Variants in RNLS observed in about 807,000 individuals in gnomAD.
RNLS encodes the protein renalase.
A neutral mutation model predicts 39.8 loss-of-function variants in RNLS; 39 were observed. The observed-to-expected ratio is 0.98, with a 90% confidence interval of 0.76 to 1.28. RNLS has a LOEUF of 1.28. Ranked by LOEUF, RNLS falls within the 50% of genes most tolerant of loss-of-function variation. The pLI, the probability that RNLS is intolerant of heterozygous loss-of-function variation, is 0.00. For synonymous variants in RNLS, 147 were observed against 150.7 expected, an observed-to-expected ratio of 0.98 and a Z score of 0.18; for missense variants, 410 against 413.3, an observed-to-expected ratio of 0.99 and a Z score of 0.07.
chr10:88,231,572 C>T, the RNLS span, among the ~76,000 whole-genome samples: 1 of 152,132 alleles, frequency 6.6e-6, no homozygotes, highest in South Asian at 2.1e-4. Flanking sequence ...AGCACAGTGC[C>T]AGGCACTTTC....
intron 4 of RNLS, among the ~76,000 whole-genome samples, chr10:88,439,470 C>T (rs1233955276): frequency 2.6e-5 from 4 of 152,122 alleles, no homozygotes; most frequent in Non-Finnish European, 5.9e-5. Context: ...CTGGTGAAAA[C>T]ATTTTTGTGA....
chr10:88,300,680 T>C (rs1844448449), intron 6 of RNLS, among the ~76,000 whole-genome samples: 1 of 152,204 alleles, frequency 6.6e-6, no homozygotes, highest in African/African-American at 2.4e-5. Flanking sequence ...ATTGATTATA[T>C]GGAAAACTCT....
At chr10:88,564,889 G>C (rs1849408310) in intron 4 of RNLS, among the ~76,000 whole-genome samples, 1 of 152,086 alleles carries the variant, frequency 6.6e-6, no homozygotes, top group Non-Finnish European at 1.5e-5. Context: ...AAAATAGAGA[G>C]AGTTGGATGA....
intron 4 of RNLS, among the ~76,000 whole-genome samples, chr10:88,424,675 G>A (rs1854616193): frequency 1.3e-5 from 2 of 152,226 alleles, no homozygotes; most frequent in South Asian, 4.2e-4. Flanking sequence ...AGTAAAAGAA[G>A]CTGCTAATCT....
chr10:88,402,154 A>G (rs1282514516), intron 4 of RNLS, among the ~76,000 whole-genome samples: 1 of 152,016 alleles, frequency 6.6e-6, no homozygotes. Context: ...AATCAAAAAA[A>G]TTTATTCTTG....
chr10:88,346,745 T>C (rs1321841381), intron 5 of RNLS, among the ~76,000 whole-genome samples: 48 of 152,200 alleles, frequency 3.2e-4, no homozygotes. Flanking sequence ...ATTCCTATTA[T>C]GCCGTGATGT....
chr10:88,290,717 C>G (rs1843612118), intron 6 of RNLS, among the ~76,000 whole-genome samples: 1 of 152,188 alleles, frequency 6.6e-6, no homozygotes, highest in Non-Finnish European at 1.5e-5. Context: ...CTTCTCCGAA[C>G]CACTCTTTAA....
the RNLS span, among the ~76,000 whole-genome samples, chr10:88,247,888 A>T: frequency 6.6e-6 from 1 of 152,214 alleles, no homozygotes; most frequent in South Asian, 2.1e-4. Flanking sequence ...TTTGGACATG[A>T]AAAGGGGGCA....
chr10:88,496,382 T>C (rs545109287), intron 4 of RNLS, among the ~76,000 whole-genome samples: 2 of 152,268 alleles, frequency 1.3e-5, no homozygotes, highest in African/African-American at 4.8e-5. Context: ...CTAAACCCAG[T>C]GCACGCTTCA....
rs996237838 is a variant in RNLS, at chr10:88,581,685, A to G, written c.249T>C (p.Tyr83=). Residue 83 remains tyrosine, a synonymous_variant, in exon 3 of 7, where the codon TAT becomes TAC. Coordinates refer to ENST00000331772, the MANE Select transcript of RNLS (RefSeq NM_001031709.3). ...GCGAGCTTAGAGGCCTCAAAACGCC[A>G]TAGGCTAACAGTTCATCATAAAAAC... ...HQRFYDELLA[Y]GVLRPLSSPI... is the part of the protein sequence containing the mutation. 1.9e-6 allele frequency: 3 copies of G among 1,589,830 alleles called. No homozygotes were observed. The highest frequency in any genetic ancestry group is 2.7e-5 in the African/African-American group (2 of 73,684).
intron 4 of RNLS, among the ~76,000 whole-genome samples, chr10:88,394,609 G>A (rs1364949810): frequency 6.6e-6 from 1 of 152,160 alleles, no homozygotes; most frequent in Non-Finnish European, 1.5e-5. Flanking sequence ...CTGTAAACTA[G>A]TTCAACCATT....
At chr10:88,246,928 GT>G in the RNLS span, among the ~76,000 whole-genome samples, 1 of 152,186 alleles carries the variant, frequency 6.6e-6, no homozygotes, top group African/African-American at 2.4e-5. Flanking sequence ...TCTGACATGT[GT>G]TTTGACTATT....
chr10:88,282,795 C>A (rs1414268496), downstream of RNLS, among the ~76,000 whole-genome samples: 2 of 152,132 alleles, frequency 1.3e-5, no homozygotes, highest in Non-Finnish European at 2.9e-5. Flanking sequence ...GTCACCCTTG[C>A]TGCCTGAGCA....
chr10:88,183,724 G>A, the RNLS span, among the ~76,000 whole-genome samples: 1 of 152,036 alleles, frequency 6.6e-6, no homozygotes, highest in Non-Finnish European at 1.5e-5. Context: ...CTTGTGTTTT[G>A]CCTTTTCAGT....
intron 4 of RNLS, among the ~76,000 whole-genome samples, chr10:88,511,561 A>G (rs970654542): frequency 3.3e-5 from 5 of 152,094 alleles, no homozygotes; most frequent in African/African-American, 1.2e-4. Flanking sequence ...ATGAGAAGGT[A>G]TAGATGGGGA....
chr10:88,412,754 T>G (rs1157506516), intron 4 of RNLS, among the ~76,000 whole-genome samples: 1 of 152,164 alleles, frequency 6.6e-6, no homozygotes, highest in Admixed American at 6.6e-5. Context: ...AAAGTGATCC[T>G]AAATATTCTG....
chr10:88,320,726 G>C (rs1030712072), intron 5 of RNLS, among the ~76,000 whole-genome samples: 1 of 148,370 alleles, frequency 6.7e-6, no homozygotes, highest in African/African-American at 2.5e-5. Context: ...AATGATAAAG[G>C]GTTCAATTCA....
At chr10:88,574,797 G>A (rs7904690) in intron 3 of RNLS, among the ~76,000 whole-genome samples, 55,115 of 151,614 alleles carry the variant, frequency 0.36, 10,760 homozygotes, top group African/African-American at 0.5. Flanking sequence ...CCCTGCTTGG[G>A]GAAGGTGCAA....
At chr10:88,192,451 G>A in the RNLS span, among the ~76,000 whole-genome samples, 2 of 152,208 alleles carry the variant, frequency 1.3e-5, no homozygotes, top group African/African-American at 2.4e-5. Context: ...AATCTGGGTT[G>A]ATCAAAGTCA....
Sources: gnomAD v4.1 joint callset for allele counts (sites outside exome capture counted in the v4.1 genomes callset) on GRCh38, gnomAD v4.1.1 for gene constraint, MANE v1.5 for transcripts, NCBI Gene and HGNC (gene_info 2026-07-23, HGNC 2026-07-21) for gene names.